COPG1: variants seen among roughly 807,000 people sequenced by gnomAD.
COPG1 encodes coatomer subunit gamma-1.
Under a neutral mutation model 102.8 loss-of-function variants are expected in COPG1, and 29 were observed. The ratio of observed to expected loss-of-function variants is 0.28; its 90% CI spans 0.21 to 0.38. COPG1 has a LOEUF of 0.38. Ranked by LOEUF, COPG1 falls within the 10% of genes least tolerant of loss-of-function variation. The probability of loss-of-function intolerance (pLI) is 1.00; values close to 1 mark genes in which losing one functional copy is unlikely to be tolerated. For missense variants in COPG1, 875 were observed against 1,132.7 expected (o/e 0.77, Z 3.27); for synonymous variants, 406 against 421.6 (o/e 0.96, Z 0.45).
chr3:129,272,764 C>T (rs1194180934), intron 20 of COPG1, 43 bp from the exon 21 acceptor site: 5 of 1,320,500 alleles, frequency 3.8e-6, no homozygotes, highest in Admixed American at 1.7e-5. Context: ...CCATCCCCTG[C>T]AGGCTGGGGA....
intron 10 of COPG1, among the ~76,000 whole-genome samples, chr3:129,259,482 A>AAAAAAGAACT (rs1939880791): frequency 8.1e-6 from 1 of 122,766 alleles, no homozygotes; most frequent in African/African-American, 5.6e-5. Flanking sequence ...AAAAAAAAAG[A>AAAAAAGAACT]AATGGAAAAA....
intron 12 of COPG1, among the ~76,000 whole-genome samples, chr3:129,263,226 T>G (rs1047475398): frequency 6.6e-6 from 1 of 152,024 alleles, no homozygotes; most frequent in African/African-American, 2.4e-5. Context: ...GATGATGCCA[T>G]TTTCTACTTT....
At position 129,263,014 on chromosome 3, in the gene COPG1, C is replaced by CAA. The variant is rs1299713396; in HGVS notation, c.1129-870_1129-869dup. On this transcript the variant is annotated intron_variant, in intron 12 of 23. Coordinates refer to ENST00000314797, the MANE Select transcript of COPG1 (RefSeq NM_016128.4). ...CTCCAGACAGAGCGAGACTCCGTCT[C>CAA]AAAAAAAAAAAAAAAAAAAAAGAGT... 6.5e-3 allele frequency among the ~76,000 whole-genome samples: 350 copies of CAA among 53,944 alleles called. 7 individuals carry two copies. Among genetic ancestry groups the CAA allele is most frequent in the Admixed American group, 0.036 (183 of 5,088 alleles). 35.4% of individuals were successfully genotyped at this position (53,944 alleles called of 152,430 possible). A position where few individuals can be genotyped will look rare whatever the true frequency, so the allele number is the denominator to read the frequency against.
At chr3:129,251,482 A>G (rs182662924) in intron 2 of COPG1, among the ~76,000 whole-genome samples, 1 of 147,968 alleles carries the variant, frequency 6.8e-6, no homozygotes, top group East Asian at 2.0e-4. Flanking sequence ...TCCTGGGTTC[A>G]AGCAATTTTT....
At chr3:129,261,973 A>T (rs1939934725) in intron 12 of COPG1, among the ~76,000 whole-genome samples, 1 of 152,180 alleles carries the variant, frequency 6.6e-6, no homozygotes. Context: ...GTCACCGGAG[A>T]GTTTTAATCA....
intron 13 of COPG1, among the ~76,000 whole-genome samples, chr3:129,264,570 G>A (rs1017721853): frequency 6.6e-6 from 1 of 152,168 alleles, no homozygotes; most frequent in Admixed American, 6.5e-5. Flanking sequence ...GTGTCTTTGC[G>A]TTTCCCAAGA....
intron 13 of COPG1, among the ~76,000 whole-genome samples, chr3:129,265,292 A>G (rs1940029326): frequency 6.6e-6 from 1 of 152,012 alleles, no homozygotes; most frequent in South Asian, 2.1e-4. Context: ...GGGTCTCTCC[A>G]TGATGCCCAG....
chr3:129,254,734 G>C lies in COPG1; in HGVS notation c.390G>C (p.Gln130His), dbSNP rs1437324835. Residue 130 changes from glutamine (Q) to histidine (H), a missense_variant, in exon 6 of 24, where the codon CAG becomes CAC. By Grantham distance (24) the Gln-to-His change is conservative. Transcript: ENST00000314797. Reference protein sequence around the residue: ...YRGPAVRALCQITDSTMLQAI... With the variant: ...YRGPAVRALCHITDSTMLQAI... The stretch of plus-strand genomic sequence containing the variant: ...GCCCGGCCGTGCGAGCCCTCTGCCA[G>C]ATCACTGATGTGAGTCGTGCCGGTT... 6.2e-7 allele frequency: 1 copy of C among 1,613,844 alleles called. No individual in the cohort carries two copies. The highest frequency in any genetic ancestry group is 1.3e-5 in the African/African-American group (1 of 74,934).
In COPG1 at chr3:129,265,576, G is replaced by A. The variant is rs750560458; in HGVS notation, c.1252G>A (p.Val418Met). 6.8e-6 allele frequency: 11 copies of A among 1,614,168 alleles called. No homozygotes were observed. The Admixed American group carries it at 8.3e-5, about 12-fold the overall frequency. ...EGGFEYKRAIVDCIISIIEEN... is the reference protein window; with the variant it reads ...EGGFEYKRAIMDCIISIIEEN... ...TGGCTTTGAGTATAAGCGCGCTATC[G>A]TGGACTGCATCATCAGCATCATTGA... Residue 418 changes from valine to methionine, a missense_variant, in exon 14 of 24, where the codon GTG (valine) becomes ATG (methionine). Physicochemically the swap from Val to Met is conservative, Grantham distance 21. Transcript: ENST00000314797.
Position 129,252,918 on chromosome 3 carries a change from T to C in COPG1, c.286T>C (p.Ser96Pro). Residue 96 changes from serine to proline, a missense_variant, in exon 5 of 24, where the codon TCT (serine) becomes CCT (proline). Transcript: ENST00000314797. Reference sequence around the variant, plus strand: ...GTGCTACTTGACCATCAAGGAGATGTCTTGCATTGCAGAGGATGTCATCAT... The same window carrying C: ...GTGCTACTTGACCATCAAGGAGATGCCTTGCATTGCAGAGGATGTCATCAT... ...RMCYLTIKEMSCIAEDVIIVT... is the reference protein window; with the variant it reads ...RMCYLTIKEMPCIAEDVIIVT... 1.9e-6 allele frequency: 3 copies of C among 1,614,200 alleles called. No individual in the cohort carries two copies. Among genetic ancestry groups the C allele is most frequent in the Non-Finnish European group, 2.5e-6 (3 of 1,180,022 alleles).
chr3:129,256,472 T>C (rs948736203), intron 8 of COPG1, among the ~76,000 whole-genome samples: 7 of 152,272 alleles, frequency 4.6e-5, no homozygotes, highest in Admixed American at 1.3e-4. Context: ...CGCCTAAATT[T>C]AGGCCTTTGC....
chr3:129,271,610 A>T lies in COPG1; in HGVS notation c.1844-157A>T, dbSNP rs1940182846. On this transcript the variant is annotated intron_variant, in intron 18 of 23. Coordinates refer to ENST00000314797, the MANE Select transcript of COPG1 (RefSeq NM_016128.4). This position sits in a 1 kb window ranked among gnomAD's most constrained non-coding sequence, Gnocchi z 4.7. ...CAGGGAGATGAGAAAATGCATGGAT[A>T]TATTCAGGAAATAATGAGTAGCCAG... Among the ~76,000 whole-genome samples, 1 of 152,202 alleles carries T rather than the reference A, an allele frequency of 6.6e-6. No individual in the cohort carries two copies. Among genetic ancestry groups the T allele is most frequent in the Admixed American group, 6.5e-5 (1 of 15,286 alleles).
At chr3:129,256,804 T>C (rs1337498125) in intron 8 of COPG1, among the ~76,000 whole-genome samples, 2 of 152,216 alleles carry the variant, frequency 1.3e-5, no homozygotes, top group Non-Finnish European at 2.9e-5. Context: ...AAAACACTTA[T>C]GAGGGCCAGA....
chr3:129,265,882 G>T, intron 14 of COPG1, 90 bp downstream of exon 14: 1 of 1,299,474 alleles, frequency 7.7e-7, no homozygotes, highest in Non-Finnish European at 1.1e-6. Flanking sequence ...GTGGGGATTT[G>T]TGCACTCAGT....
chr3:129,275,193 G>A lies in COPG1; in HGVS notation c.2396-1G>A. ...AACAATATTGGGATTTCTCATTACAGAGGCTGTGGGTAATATTGTGAAGTT... is the reference window on the plus strand; with the variant it reads ...AACAATATTGGGATTTCTCATTACAAAGGCTGTGGGTAATATTGTGAAGTT... On this transcript the variant is annotated splice_acceptor_variant, in intron 22 of 23. Coordinates refer to ENST00000314797, the MANE Select transcript of COPG1 (RefSeq NM_016128.4). LOFTEE classifies it high-confidence loss of function. This position sits in a 1 kb window ranked among gnomAD's most constrained non-coding sequence, Gnocchi z 5.0. 6.2e-7 allele frequency: 1 copy of A among 1,613,348 alleles called. No individual in the cohort carries two copies. Among genetic ancestry groups the A allele is most frequent in the Non-Finnish European group, 8.5e-7 (1 of 1,179,274 alleles).
rs1940264740 is a variant in COPG1, at chr3:129,275,982, ACACACAC to A, written c.2494+691_2494+697del. Among the ~76,000 whole-genome samples, 1 of 152,068 alleles carries A rather than the reference ACACACAC, an allele frequency of 6.6e-6. No homozygotes were observed. Among genetic ancestry groups the A allele is most frequent in the African/African-American group, 2.4e-5 (1 of 41,360 alleles). On this transcript the variant is annotated intron_variant, in intron 23 of 23. Transcript: ENST00000314797. The surrounding 1 kb of genome is among the most constrained non-coding windows in gnomAD (Gnocchi z 5.0). ...AGTAAATAATCGTGTACACACACAC[ACACACAC>A]ACACACACAGTTTACTTTGCATGTG...
chr3:129,250,856 AG>A, intron 2 of COPG1, 122 bp downstream of exon 2: 1 of 792,696 alleles, frequency 1.3e-6, no homozygotes, highest in Non-Finnish European at 2.1e-6. Flanking sequence ...TGTGCCTGGA[AG>A]TTTTCTGGAA....
At position 129,255,066 on chromosome 3, in the gene COPG1, G is replaced by C. The variant is rs756837844; in HGVS notation, c.481G>C (p.Val161Leu). 6.2e-7 allele frequency: 1 copy of C among 1,613,456 alleles called. No homozygotes were observed. Among genetic ancestry groups the C allele is most frequent in the African/African-American group, 1.3e-5 (1 of 75,008 alleles). Residue 161 changes from valine to leucine, a missense_variant, in exon 7 of 24, where the codon GTG becomes CTG. Physicochemically the swap from Val to Leu is conservative, Grantham distance 32. Transcript: ENST00000314797. ...KVPSVSSSAL[V>L]SSLHLLKCSF... ...GCCCAGTGTCTCCAGCTCTGCCCTC[G>C]TGTCTTCCTTGGTGTGTAGTTGCTG... is the stretch of plus-strand genomic sequence containing the variant.
chr3:129,272,382 C>A lies in COPG1; in HGVS notation c.2125C>A (p.Leu709Met), dbSNP rs1460368345. The A allele has an allele frequency of 6.2e-7, 1 of 1,614,024 alleles. No individual in the cohort carries two copies. Among genetic ancestry groups the A allele is most frequent in the Admixed American group, 1.7e-5 (1 of 59,994 alleles). The stretch of plus-strand genomic sequence containing the variant: ...CAACCAGCCCGGGACCTGCTACACA[C>A]TGGTGGCACTGCCCAAAGAAGACCC... ...PYNQPGTCYTLVALPKEDPTA... is the reference protein window; with the variant it reads ...PYNQPGTCYTMVALPKEDPTA... The change falls in exon 20 of 24, where the codon CTG (leucine) becomes ATG (methionine). Residue 709 changes from leucine (L) to methionine (M), a missense_variant. By Grantham distance (15) the Leu-to-Met change is conservative (BLOSUM62 2). Coordinates refer to ENST00000314797, the MANE Select transcript of COPG1 (RefSeq NM_016128.4).
Sources: gnomAD v4.1 joint callset for allele counts (sites outside exome capture counted in the v4.1 genomes callset) on GRCh38, gnomAD v4.1.1 for gene constraint, Gnocchi (gnomAD v3.1) non-coding constraint, MANE v1.5 for transcripts, NCBI Gene and HGNC (gene_info 2026-07-23, HGNC 2026-07-21) for gene names.